Variants in MRPL44 observed in about 807,000 individuals in gnomAD.
The protein encoded by MRPL44 is mitochondrial ribosomal protein L44.
MRPL44 carries 21 observed loss-of-function variants against 25.9 expected under a neutral mutation model. That is an observed-to-expected ratio of 0.81 (90% CI 0.58 to 1.17). The LOEUF (loss-of-function observed/expected upper bound fraction) is 1.17, where lower values mean the gene tolerates loss of function less well. Among genes scored for constraint, MRPL44 ranks in the 50% most tolerant of loss-of-function variants. The probability of loss-of-function intolerance (pLI) is 0.00; values close to 1 mark genes in which losing one functional copy is unlikely to be tolerated. For missense variants in MRPL44, 410 were observed against 398.9 expected (o/e 1.03, Z -0.24); for synonymous variants, 169 against 151.0 (o/e 1.12, Z -0.87).
chr2:223,967,019 C>T lies in MRPL44; in HGVS notation c.984C>T (p.Ser328=). The change falls in exon 4 of 4, where the codon AGC becomes AGT. Residue 328 remains serine, a synonymous_variant. Transcript: ENST00000258383. ...KPKETLRAEK[S]ITAS ...AAGAAACCTTGAGAGCAGAAAAGAGCATCACTGCCAGCTAGCCGCCATGGA... is the reference window on the plus strand; with the variant it reads ...AAGAAACCTTGAGAGCAGAAAAGAGTATCACTGCCAGCTAGCCGCCATGGA... 6.2e-7 allele frequency: 1 copy of T among 1,611,728 alleles called. No homozygotes were observed.
chr2:223,953,275 C>T (rs1689517310), upstream of MRPL44, among the ~76,000 whole-genome samples: 1 of 151,870 alleles, frequency 6.6e-6, no homozygotes, highest in South Asian at 2.1e-4. Context: ...GCTGGGACTA[C>T]AGGCACACAC....
At chr2:223,953,799 A>G (rs566871851), upstream of MRPL44, among the ~76,000 whole-genome samples, 2 of 152,332 alleles carry the variant, frequency 1.3e-5, no homozygotes, top group South Asian at 4.1e-4. Flanking sequence ...CACTGCAAAA[A>G]TCTCAAACCA....
At chr2:223,957,418 C>T (rs1019406597), upstream of MRPL44, 43 of 1,602,418 alleles carry the variant, frequency 2.7e-5, no homozygotes, top group African/African-American at 4.0e-5. Context: ...AAGTGTGTTA[C>T]GGGGACACTG....
chr2:223,957,433 G>T, upstream of MRPL44: 2 of 1,612,662 alleles, frequency 1.2e-6, no homozygotes, highest in South Asian at 1.1e-5. Flanking sequence ...ACACTGGCCC[G>T]ACTACTTTCG....
chr2:223,951,143 C>CT, the MRPL44 span, among the ~76,000 whole-genome samples: 1 of 152,172 alleles, frequency 6.6e-6, no homozygotes, highest in Non-Finnish European at 1.5e-5. Context: ...AAGTGATCGA[C>CT]TGTGTCAAAT....
chr2:223,966,774 T>TGTA, intron 3 of MRPL44, 89 bp from the exon 4 acceptor site: 1 of 1,114,432 alleles, frequency 9.0e-7, no homozygotes, highest in Non-Finnish European at 1.3e-6. Flanking sequence ...TTGAAATAGA[T>TGTA]GTAGAAGGCA....
In MRPL44 at chr2:223,959,572, A is replaced by T; in HGVS notation, c.218A>T (p.Gln73Leu). ...KPNWDYHAEIQAFGHRLQENF... is the reference protein window; with the variant it reads ...KPNWDYHAEILAFGHRLQENF... ...AACTGGGATTACCATGCAGAAATACAAGCTTTTGGACATCGGTTACAGGAA... is the reference window on the plus strand; with the variant it reads ...AACTGGGATTACCATGCAGAAATACTAGCTTTTGGACATCGGTTACAGGAA... Residue 73 changes from glutamine (Q) to leucine (L), a missense_variant, in exon 2 of 4, where the codon CAA (glutamine) becomes CTA (leucine). Physicochemically the swap from Gln to Leu is moderately radical, Grantham distance 113 (BLOSUM62 -2). Coordinates refer to ENST00000258383, the MANE Select transcript of MRPL44 (RefSeq NM_022915.5). The T allele has an allele frequency of 6.2e-7, 1 of 1,612,930 alleles. No homozygotes were observed. Among genetic ancestry groups the T allele is most frequent in the Non-Finnish European group, 8.5e-7 (1 of 1,179,594 alleles).
intron 2 of MRPL44, among the ~76,000 whole-genome samples, chr2:223,961,296 G>T (rs187672654): frequency 1.3e-5 from 2 of 152,362 alleles, no homozygotes; most frequent in East Asian, 3.9e-4. Context: ...TGGGAAGACA[G>T]TGTCAAGGAT....
chr2:223,965,575 G>A (rs774535528), intron 3 of MRPL44: 2 of 152,162 alleles, frequency 1.3e-5, no homozygotes, highest in African/African-American at 4.8e-5. Context: ...TTCAGAAGTA[G>A]CAAAACAAAT....
intron 1 of MRPL44, 131 bp from the exon 2 acceptor site, chr2:223,959,403 G>T: frequency 4.3e-6 from 3 of 693,976 alleles, no homozygotes; most frequent in Non-Finnish European, 7.1e-6. Flanking sequence ...TATCAACCTG[G>T]CATTAAAAAG....
At chr2:223,957,451 T>G (rs773098301), upstream of MRPL44, 1 of 1,614,100 alleles carries the variant, frequency 6.2e-7, no homozygotes, top group Non-Finnish European at 8.5e-7. Flanking sequence ...TCGTTCCGTC[T>G]TCCATCGTTT....
intron 2 of MRPL44, among the ~76,000 whole-genome samples, chr2:223,962,495 A>C (rs1461030553): frequency 6.6e-6 from 1 of 152,164 alleles, no homozygotes; most frequent in East Asian, 1.9e-4. Context: ...AATGTTTGTT[A>C]ATACAAGTTA....
chr2:223,954,125 A>C (rs758969726), upstream of MRPL44, among the ~76,000 whole-genome samples: 1 of 152,210 alleles, frequency 6.6e-6, no homozygotes, highest in Non-Finnish European at 1.5e-5. Context: ...TTAAAGGGTC[A>C]GGCAGCTTTC....
intron 3 of MRPL44, among the ~76,000 whole-genome samples, chr2:223,965,191 CTTG>C (rs1689722623): frequency 6.6e-6 from 1 of 152,140 alleles, no homozygotes; most frequent in Non-Finnish European, 1.5e-5. Context: ...AAATTCTGTG[CTTG>C]TTATTCACTT....
intron 2 of MRPL44, among the ~76,000 whole-genome samples, chr2:223,963,106 T>C (rs1374666797): frequency 6.6e-6 from 1 of 152,208 alleles, no homozygotes; most frequent in Non-Finnish European, 1.5e-5. Context: ...TATTCGTTAA[T>C]TCTTTAAATA....
chr2:223,963,957 C>G, intron 3 of MRPL44, 23 bp downstream of exon 3: 3 of 1,593,930 alleles, frequency 1.9e-6, no homozygotes, highest in Non-Finnish European at 2.6e-6. Context: ...TTAATCTTAA[C>G]TTTATAACTT....
chr2:223,956,284 C>T (rs1689562689), upstream of MRPL44, among the ~76,000 whole-genome samples: 1 of 152,190 alleles, frequency 6.6e-6, no homozygotes, highest in South Asian at 2.1e-4. Context: ...CTCTCTCCCT[C>T]CCCAAAGGGA....
upstream of MRPL44, among the ~76,000 whole-genome samples, chr2:223,953,988 G>A (rs1199841669): frequency 6.6e-6 from 1 of 152,112 alleles, no homozygotes; most frequent in Non-Finnish European, 1.5e-5. Context: ...ACATTGCTCA[G>A]TTTAGCAGAA....
the MRPL44 span, among the ~76,000 whole-genome samples, chr2:223,951,147 G>A: frequency 1.3e-5 from 2 of 152,218 alleles, no homozygotes; most frequent in Non-Finnish European, 2.9e-5. Flanking sequence ...GATCGACTGT[G>A]TCAAATGCTG....
Sources: gnomAD v4.1 joint callset for allele counts (sites outside exome capture counted in the v4.1 genomes callset) on GRCh38, gnomAD v4.1.1 for gene constraint, MANE v1.5 for transcripts, NCBI Gene and HGNC (gene_info 2026-07-23, HGNC 2026-07-21) for gene names.